GRAMD2B: variants seen among roughly 807,000 people sequenced by gnomAD.
GRAMD2B encodes GRAM domain containing 2B.
In GRAMD2B, 41 loss-of-function variants were observed where a neutral mutation model predicts 59.2. The ratio of observed to expected loss-of-function variants is 0.69; its 90% confidence interval spans 0.54 to 0.90. The LOEUF is 0.90. GRAMD2B is among the 40% of genes least tolerant of loss of function. The probability of loss-of-function intolerance (pLI) is 0.00; values close to 1 mark genes in which losing one functional copy is unlikely to be tolerated. For synonymous variants in GRAMD2B, 161 were observed against 182.7 expected, an observed-to-expected ratio of 0.88 and a Z score of 0.96; for missense variants, 424 against 500.5, an observed-to-expected ratio of 0.85 and a Z score of 1.46.
rs767261438 is a variant in GRAMD2B at position 126,423,585 on chromosome 5, G to C, written c.-22G>C. ...GAGCCAGGCGCGCGGAAGTCTGAAG[G>C]TGCCCTCCAGACACGGCCCCGATGA... On this transcript the variant is annotated 5_prime_UTR_variant, in exon 1 of 14. Coordinates refer to ENST00000285689, the MANE Select transcript of GRAMD2B (RefSeq NM_023927.4). The C allele has an allele frequency of 6.2e-7, 1 of 1,607,658 alleles. No homozygotes were observed. The highest frequency in any genetic ancestry group is 8.5e-7 in the Non-Finnish European group (1 of 1,177,572).
At position 126,492,894 on chromosome 5, in the gene GRAMD2B, CTTCTT is replaced by C. The variant is rs1244930253; in HGVS notation, c.1258-13_1258-9del. The C allele has an allele frequency of 1.2e-5, 19 of 1,526,660 alleles. No individual in the cohort carries two copies. The highest frequency in any genetic ancestry group is 1.7e-4 in the Middle Eastern group (1 of 5,888). 94.6% of individuals were successfully genotyped at this position (1,526,660 alleles called of 1,614,324 possible). Reference sequence around the variant, plus strand: ...ACTCCATTCTATTTAATAATAGGAACTTCTTTTCTTTTATTTCAAGATACAAAATA... The same window carrying C: ...ACTCCATTCTATTTAATAATAGGAACTTCTTTTATTTCAAGATACAAAATA... On this transcript the variant is annotated splice_polypyrimidine_tract_variant and intron_variant, in intron 13 of 13. Coordinates refer to ENST00000285689, the MANE Select transcript of GRAMD2B (RefSeq NM_023927.4).
intron 3 of GRAMD2B, among the ~76,000 whole-genome samples, chr5:126,470,743 C>T (rs1398009694): frequency 1.3e-5 from 2 of 151,932 alleles, no homozygotes; most frequent in African/African-American, 4.8e-5. Flanking sequence ...ATTTTTAATA[C>T]AGACAGGGTG....
intron 1 of GRAMD2B, among the ~76,000 whole-genome samples, chr5:126,402,366 TGAAC>T (rs1719158806): frequency 6.6e-6 from 1 of 152,090 alleles, no homozygotes; most frequent in Non-Finnish European, 1.5e-5. Context: ...TTAAGGCTAA[TGAAC>T]CCAAGGGTTG....
At chr5:126,380,497 G>A (rs1755574821) in intron 1 of GRAMD2B, among the ~76,000 whole-genome samples, 1 of 152,012 alleles carries the variant, frequency 6.6e-6, no homozygotes, top group Non-Finnish European at 1.5e-5. Context: ...TGGCATTATG[G>A]TCATTTTCAC....
chr5:126,427,451 T>C, intron 1 of GRAMD2B, among the ~76,000 whole-genome samples: 1 of 152,242 alleles, frequency 6.6e-6, no homozygotes, highest in Non-Finnish European at 1.5e-5. Flanking sequence ...TTAAATTACA[T>C]GTAATATCAT....
At chr5:126,475,131 A>G (rs1455676586) in intron 5 of GRAMD2B, among the ~76,000 whole-genome samples, 1 of 152,262 alleles carries the variant, frequency 6.6e-6, no homozygotes, top group Non-Finnish European at 1.5e-5. Context: ...CTGGAAAAAT[A>G]TTAATAAAGT....
chr5:126,377,105 T>G (rs1024790437), intron 1 of GRAMD2B, among the ~76,000 whole-genome samples: 1 of 148,364 alleles, frequency 6.7e-6, no homozygotes, highest in African/African-American at 2.5e-5. Flanking sequence ...ATTCAATATT[T>G]TCTCAATGCA....
intron 1 of GRAMD2B, among the ~76,000 whole-genome samples, chr5:126,448,956 G>C (rs1242009597): frequency 2.0e-5 from 3 of 152,176 alleles, no homozygotes; most frequent in East Asian, 1.9e-4. Flanking sequence ...ATGGTGTCAC[G>C]GGTATGAATG....
At chr5:126,460,466 T>TGG in intron 1 of GRAMD2B, among the ~76,000 whole-genome samples, 1 of 152,226 alleles carries the variant, frequency 6.6e-6, no homozygotes, top group East Asian at 1.9e-4. Flanking sequence ...TGTAAAAATC[T>TGG]AGTTTGGGAG....
At chr5:126,478,571 T>G (rs1561591723) in intron 6 of GRAMD2B, among the ~76,000 whole-genome samples, 1 of 152,174 alleles carries the variant, frequency 6.6e-6, no homozygotes, top group African/African-American at 2.4e-5. Flanking sequence ...TGAAACCCTC[T>G]GTCTTCAAAA....
At chr5:126,410,941 AT>A (rs1370541931) in intron 1 of GRAMD2B, among the ~76,000 whole-genome samples, 1 of 151,816 alleles carries the variant, frequency 6.6e-6, no homozygotes, top group Non-Finnish European at 1.5e-5. Context: ...TCTTTTGCTC[AT>A]TTTTAAATAG....
At chr5:126,452,886 C>T (rs1164862732) in intron 1 of GRAMD2B, among the ~76,000 whole-genome samples, 1 of 152,102 alleles carries the variant, frequency 6.6e-6, no homozygotes, top group Middle Eastern at 3.2e-3. Flanking sequence ...TTTTTCTGGA[C>T]TTTATGCCCT....
chr5:126,410,500 T>C (rs899406685), intron 1 of GRAMD2B, among the ~76,000 whole-genome samples: 10 of 152,000 alleles, frequency 6.6e-5, no homozygotes, highest in Non-Finnish European at 1.2e-4. Flanking sequence ...TGTCTGTTAT[T>C]GGTGTATAAG....
chr5:126,425,441 A>G (rs1475559918), intron 1 of GRAMD2B, among the ~76,000 whole-genome samples: 4 of 152,198 alleles, frequency 2.6e-5, no homozygotes, highest in Non-Finnish European at 5.9e-5. Flanking sequence ...CAAACACTGC[A>G]TGTTCTCACT....
In GRAMD2B at chr5:126,440,254, T is replaced by C. The variant is rs141284107; in HGVS notation, c.83+16565T>C. 2.8e-4 allele frequency among the ~76,000 whole-genome samples: 43 copies of C among 152,344 alleles called. No individual in the cohort carries two copies. In the Middle Eastern group the frequency reaches 0.01, roughly 36 times the overall value. On this transcript the variant is annotated intron_variant, in intron 1 of 13. Transcript: ENST00000285689. ...AAACTTGAATAAATGGAGTTTACCT[T>C]CCTCAAAAGGAAAACTTATGAAGTA...
chr5:126,455,731 TC>T (rs1766164692), intron 1 of GRAMD2B, among the ~76,000 whole-genome samples: 1 of 152,244 alleles, frequency 6.6e-6, no homozygotes, highest in Non-Finnish European at 1.5e-5. Flanking sequence ...ATTTCTAGTT[TC>T]TCGTACTGAA....
chr5:126,397,847 G>A (rs1286036955), intron 1 of GRAMD2B, among the ~76,000 whole-genome samples: 1 of 152,030 alleles, frequency 6.6e-6, no homozygotes, highest in African/African-American at 2.4e-5. Flanking sequence ...CAGTGTCATT[G>A]TCTGGGTTTG....
At chr5:126,363,026 G>A (rs1754286731) in intron 1 of GRAMD2B, among the ~76,000 whole-genome samples, 2 of 152,178 alleles carry the variant, frequency 1.3e-5, no homozygotes, top group Admixed American at 1.3e-4. Flanking sequence ...CATGAAGAAA[G>A]TGCAGAGACA....
intron 1 of GRAMD2B, chr5:126,360,463 A>G: frequency 6.5e-7 from 1 of 1,550,202 alleles, no homozygotes. Context: ...TGGAACTGTA[A>G]GTGACAGGTC....
Sources: allele counts gnomAD v4.1 joint callset (sites outside exome capture counted in the v4.1 genomes callset), GRCh38; gene constraint gnomAD v4.1.1; transcripts MANE v1.5; gene names NCBI Gene and HGNC (gene_info 2026-07-23, HGNC 2026-07-21).